ATP6V1B2: variants seen among roughly 807,000 people sequenced by gnomAD.
The protein encoded by ATP6V1B2 is ATPase H+ transporting V1 subunit B2.
ATP6V1B2 carries 23 observed loss-of-function variants against 66.7 expected under a neutral mutation model. The ratio of observed to expected loss-of-function variants is 0.34; its 90% CI spans 0.25 to 0.49. The LOEUF (loss-of-function observed/expected upper bound fraction) is 0.49, where lower values mean the gene tolerates loss of function less well. Among genes scored for constraint, ATP6V1B2 ranks in the 20% least tolerant of loss-of-function variants. The probability of loss-of-function intolerance (pLI) is 0.99; values close to 1 mark genes in which losing one functional copy is unlikely to be tolerated. For missense variants in ATP6V1B2, 478 were observed against 650.8 expected (o/e 0.73, Z 2.89); for synonymous variants, 278 against 236.7 (o/e 1.17, Z -1.60).
chr8:20,199,569 T>A (rs2072662961), intron 1 of ATP6V1B2, among the ~76,000 whole-genome samples: 1 of 151,816 alleles, frequency 6.6e-6, no homozygotes, highest in Non-Finnish European at 1.5e-5. Context: ...TAATTGCTTC[T>A]GAGTAAATAT....
chr8:20,210,456 C>T lies in ATP6V1B2; in HGVS notation c.385+17C>T. 4 of 1,609,760 alleles carry T rather than the reference C, an allele frequency of 2.5e-6. No homozygotes were observed. The highest frequency in any genetic ancestry group is 3.4e-6 in the Non-Finnish European group (4 of 1,176,278). ...ATATGCTTGGTAAATGGATATTATT[C>T]ATTCTAAGCCGAGATCTGTTTCCTT... On this transcript the variant is annotated intron_variant, in intron 4 of 13. Transcript: ENST00000276390.
chr8:20,220,247 A>G lies in ATP6V1B2; in HGVS notation c.1397-16A>G. 6.2e-7 allele frequency: 1 copy of G among 1,602,706 alleles called. No individual in the cohort carries two copies. Among genetic ancestry groups the G allele is most frequent in the Admixed American group, 1.8e-5 (1 of 56,694 alleles). ...GAAGTCATTTGCATTTATTAATTCA[A>G]TCTCAATTTTTTAAGGTCCTTACGA... is the stretch of plus-strand genomic sequence containing the variant. On this transcript the variant is annotated splice_polypyrimidine_tract_variant and intron_variant, in intron 13 of 13. Coordinates refer to ENST00000276390, the MANE Select transcript of ATP6V1B2 (RefSeq NM_001693.4).
intron 9 of ATP6V1B2, 36 bp from the exon 10 acceptor site, chr8:20,214,782 T>C (rs2072834612): frequency 6.4e-7 from 1 of 1,568,854 alleles, no homozygotes; most frequent in Admixed American, 1.9e-5. Flanking sequence ...TGTTGTAATA[T>C]CGTGCATGAT....
chr8:20,214,301 T>G (rs954068282), intron 9 of ATP6V1B2: 2 of 152,378 alleles, frequency 1.3e-5, no homozygotes, highest in African/African-American at 4.8e-5. Context: ...TTGTTTAATT[T>G]TTCTGACCCT....
intron 10 of ATP6V1B2, chr8:20,215,183 C>T (rs2072841160): frequency 2.0e-6 from 1 of 494,780 alleles, no homozygotes; most frequent in African/African-American, 2.0e-5. Flanking sequence ...AAGTTTTTAA[C>T]TTTATTAGGT....
Position 20,220,618 on chromosome 8 carries a change from T to A in ATP6V1B2, c.*216T>A. Reference sequence around the variant, plus strand: ...CTACCTGGGTCCTCAGTGCTATGTTTAAAGTGCTGCAGGGATGGAGTGGCG... The same window carrying A: ...CTACCTGGGTCCTCAGTGCTATGTTAAAAGTGCTGCAGGGATGGAGTGGCG... On this transcript the variant is annotated 3_prime_UTR_variant, in exon 14 of 14. Coordinates refer to ENST00000276390, the MANE Select transcript of ATP6V1B2 (RefSeq NM_001693.4). The A allele has an allele frequency of 1.7e-6, 1 of 580,504 alleles. No individual in the cohort carries two copies. The highest frequency in any genetic ancestry group is 2.7e-6 in the Non-Finnish European group (1 of 367,750). 36.0% of individuals were successfully genotyped at this position (580,504 alleles called of 1,614,324 possible). A position where few individuals can be genotyped will look rare whatever the true frequency, so the allele number is the denominator to read the frequency against.
intron 2 of ATP6V1B2, among the ~76,000 whole-genome samples, chr8:20,206,650 G>T (rs2072740926): frequency 6.6e-6 from 1 of 152,172 alleles, no homozygotes. Flanking sequence ...TGGAGCTGGG[G>T]TGGACCACCT....
chr8:20,198,576 G>A lies in ATP6V1B2; in HGVS notation c.136+1034G>A, dbSNP rs148167553. Among the ~76,000 whole-genome samples the A allele has an allele frequency of 8.7e-4, 132 of 152,264 alleles. No individual in the cohort carries two copies. In the South Asian group the frequency reaches 0.017, roughly 20 times the overall value. The stretch of plus-strand genomic sequence containing the variant: ...CTCGAAATAGACTTTTTAAAAAACT[G>A]GGAAAAGCACATGATGTTTCCCCAG... On this transcript the variant is annotated intron_variant, in intron 1 of 13. Transcript: ENST00000276390.
At chr8:20,210,263 G>C in intron 3 of ATP6V1B2, 83 bp from the exon 4 acceptor site, 1 of 1,080,882 alleles carries the variant, frequency 9.3e-7, no homozygotes, top group Admixed American at 2.1e-5. Flanking sequence ...TACATTATAA[G>C]GGCTGTTTAA....
Position 20,212,753 on chromosome 8 carries a change from G to A in ATP6V1B2, c.804-29G>A, listed in dbSNP as rs777086487. 6 of 1,595,790 alleles carry A rather than the reference G, an allele frequency of 3.8e-6. No homozygotes were observed. The South Asian group carries it at 5.8e-5, about 15-fold the overall frequency. On this transcript the variant is annotated intron_variant, in intron 8 of 13. Transcript: ENST00000276390. Reference sequence around the variant, plus strand: ...TTTTCTTTTTGGTCTTTTGGTTTGAGTGGCCTAAGACTTAATGTTCCCTTT... The same window carrying A: ...TTTTCTTTTTGGTCTTTTGGTTTGAATGGCCTAAGACTTAATGTTCCCTTT...
intron 9 of ATP6V1B2, chr8:20,214,186 A>G (rs2072826680): frequency 6.6e-6 from 1 of 152,206 alleles, no homozygotes; most frequent in East Asian, 1.9e-4. Context: ...GTAGGTGAAC[A>G]TGCACACCTA....
chr8:20,214,132 A>C, intron 9 of ATP6V1B2: 1 of 152,174 alleles, frequency 6.6e-6, no homozygotes, highest in Non-Finnish European at 1.5e-5. Flanking sequence ...TCAGAGTAGC[A>C]CTTAGAAGTT....
At chr8:20,214,741 C>A in intron 9 of ATP6V1B2, 77 bp from the exon 10 acceptor site, 1 of 1,422,202 alleles carries the variant, frequency 7.0e-7, no homozygotes, top group Non-Finnish European at 9.3e-7. Flanking sequence ...TGTACTTTGG[C>A]ATGTTGAAAC....
chr8:20,210,096 A>G (rs2072778234), intron 3 of ATP6V1B2, among the ~76,000 whole-genome samples: 1 of 148,244 alleles, frequency 6.7e-6, no homozygotes, highest in Non-Finnish European at 1.5e-5. Context: ...ATATATTTAT[A>G]TATTTATATT....
In ATP6V1B2 at chr8:20,209,493, C is replaced by T; in HGVS notation, c.253C>T (p.Gln85Ter). Residue 85 changes from glutamine to a stop codon, truncating the protein, a stop_gained, in exon 3 of 14, where the codon CAA becomes TAA. Transcript: ENST00000276390. LOFTEE classifies it high-confidence loss of function. ...ACCGGATGGCACAAAGAGAAGTGGG[C>T]AAGTTCTGGAAGTTAGTGGTTCCAA... ...TLPDGTKRSG[Q>*]VLEVSGSKAV... 1 of 1,613,954 alleles carries T rather than the reference C, an allele frequency of 6.2e-7. No homozygotes were observed. The highest frequency in any genetic ancestry group is 8.5e-7 in the Non-Finnish European group (1 of 1,179,954).
intron 1 of ATP6V1B2, among the ~76,000 whole-genome samples, chr8:20,202,035 C>G (rs1462819566): frequency 6.6e-6 from 1 of 152,184 alleles, no homozygotes; most frequent in Non-Finnish European, 1.5e-5. Flanking sequence ...GAGCAGAGCC[C>G]TCATGACCCA....
chr8:20,197,389 C>G lies in ATP6V1B2; in HGVS notation c.-18C>G, dbSNP rs1563797146. On this transcript the variant is annotated 5_prime_UTR_variant, in exon 1 of 14. Coordinates refer to ENST00000276390, the MANE Select transcript of ATP6V1B2 (RefSeq NM_001693.4). ...TGCGCGGCGTCGCTGCTGGGCCAGT[C>G]GGGACAGAGGAGACAAGATGGCGCT... is the stretch of plus-strand genomic sequence containing the variant. 1.3e-6 allele frequency: 2 copies of G among 1,503,198 alleles called. No individual in the cohort carries two copies. The highest frequency in any genetic ancestry group is 8.9e-7 in the Non-Finnish European group (1 of 1,125,438). 93.1% of individuals were successfully genotyped at this position (1,503,198 alleles called of 1,614,324 possible).
chr8:20,208,113 A>T (rs563470597), intron 2 of ATP6V1B2, among the ~76,000 whole-genome samples: 22 of 152,344 alleles, frequency 1.4e-4, no homozygotes, highest in African/African-American at 4.6e-4. Context: ...GTGTAAATTA[A>T]TAAGGTTCCT....
At chr8:20,211,047 G>A in intron 5 of ATP6V1B2, 130 bp from the exon 6 acceptor site, 2 of 1,206,650 alleles carry the variant, frequency 1.7e-6, no homozygotes, top group Non-Finnish European at 2.3e-6. Flanking sequence ...TTTTTTTGTA[G>A]TAAAGAGATG....
Sources: allele counts gnomAD v4.1 joint callset (sites outside exome capture counted in the v4.1 genomes callset), GRCh38; gene constraint gnomAD v4.1.1; transcripts MANE v1.5; gene names NCBI Gene and HGNC (gene_info 2026-07-23, HGNC 2026-07-21).